COL17A1: variants seen among roughly 807,000 people sequenced by gnomAD.
COL17A1 encodes the protein collagen type XVII alpha 1 chain, also known as collagen alpha-1(XVII) chain.
Under a neutral mutation model 218.4 loss-of-function variants are expected in COL17A1, and 181 were observed. That is an observed-to-expected ratio of 0.83 (90% CI 0.73 to 0.94). The LOEUF is 0.94. Ranked by LOEUF, COL17A1 falls within the 40% of genes least tolerant of loss-of-function variation. The pLI, the probability that COL17A1 is intolerant of heterozygous loss-of-function variation, is 0.00. For missense variants in COL17A1, 1,924 were observed against 1,945.9 expected, an observed-to-expected ratio of 0.99 and a Z score of 0.21; for synonymous variants, 721 against 731.0, an observed-to-expected ratio of 0.99 and a Z score of 0.22.
At chr10:104,065,622 C>G (rs2086619986) in intron 9 of COL17A1, among the ~76,000 whole-genome samples, 1 of 152,254 alleles carries the variant, frequency 6.6e-6, no homozygotes. Flanking sequence ...GAAAACTCTA[C>G]ACATTTCCCC....
chr10:104,035,190 G>C, intron 50 of COL17A1, 73 bp downstream of exon 50: 2 of 1,300,630 alleles, frequency 1.5e-6, no homozygotes, highest in East Asian at 4.9e-5. Context: ...GACTGCCCTT[G>C]CTAAAGCCCA....
At chr10:104,052,016 G>T in intron 24 of COL17A1, 139 bp downstream of exon 24, 1 of 1,151,304 alleles carries the variant, frequency 8.7e-7, no homozygotes, top group East Asian at 2.3e-5. Context: ...ATGCTCTTTG[G>T]ACCCACCCAC....
chr10:104,070,639 G>T, intron 8 of COL17A1, 70 bp from the exon 9 acceptor site: 1 of 1,612,354 alleles, frequency 6.2e-7, no homozygotes, highest in South Asian at 1.1e-5. Flanking sequence ...CAACTGGGGG[G>T]AACATTTGTG....
chr10:104,047,121 G>A (rs992052299), intron 31 of COL17A1, among the ~76,000 whole-genome samples: 1 of 152,130 alleles, frequency 6.6e-6, no homozygotes, highest in African/African-American at 2.4e-5. Flanking sequence ...CTCCTGTCTG[G>A]GCACCCGCCA....
intron 27 of COL17A1, 54 bp from the exon 28 acceptor site, chr10:104,050,178 A>C: frequency 6.2e-7 from 1 of 1,612,010 alleles, no homozygotes; most frequent in East Asian, 2.2e-5. Flanking sequence ...CAAGGAAAAC[A>C]CTCTCACCCA....
intron 39 of COL17A1, among the ~76,000 whole-genome samples, chr10:104,040,667 T>G (rs2086351008): frequency 6.6e-6 from 1 of 152,094 alleles, no homozygotes; most frequent in Non-Finnish European, 1.5e-5. Context: ...GGTGGATGGA[T>G]TTTCCACTAG....
At chr10:104,047,935 G>A in intron 30 of COL17A1, 125 bp from the exon 31 acceptor site, 1 of 1,376,684 alleles carries the variant, frequency 7.3e-7, no homozygotes, top group Non-Finnish European at 1.0e-6. Context: ...AAGGAGAAGG[G>A]GAACAGAACT....
intron 3 of COL17A1, 131 bp downstream of exon 3, chr10:104,078,411 A>G (rs2086730664): frequency 8.6e-7 from 1 of 1,158,896 alleles, no homozygotes; most frequent in Non-Finnish European, 1.3e-6. Flanking sequence ...ATTCTGTTGT[A>G]TAGAAATTAA....
rs1217579414 is a variant in COL17A1, at chr10:104,064,428, C to T, written c.766+10G>A. 25 of 1,613,840 alleles carry T rather than the reference C, an allele frequency of 1.5e-5. No individual in the cohort carries two copies. Among genetic ancestry groups the T allele is most frequent in the Admixed American group, 1.0e-4 (6 of 60,006 alleles). On this transcript the variant is annotated intron_variant, in intron 10 of 55. Transcript: ENST00000648076. ...GGGGTGAGAGAGGGTGTGGGCTGCCCGCCAGGTACCTGATCCCGCAGAGTA... is the reference window on the plus strand; with the variant it reads ...GGGGTGAGAGAGGGTGTGGGCTGCCTGCCAGGTACCTGATCCCGCAGAGTA...
chr10:104,034,718 T>C lies in COL17A1; in HGVS notation c.3669A>G (p.Pro1223=). 6.2e-7 allele frequency: 1 copy of C among 1,611,438 alleles called. No individual in the cohort carries two copies. The highest frequency in any genetic ancestry group is 8.5e-7 in the Non-Finnish European group (1 of 1,179,202). Reference sequence around the variant, plus strand: ...AGACACCCGGGGGCCCTCGAGGCCCTGGGGGACCAGGAGGTCCTGGAGGGC... The same window carrying C: ...AGACACCCGGGGGCCCTCGAGGCCCCGGGGGACCAGGAGGTCCTGGAGGGC... The part of the protein sequence containing the change: ...IPGPPGPPGP[P]GPRGPPGVSG... Residue 1223 remains proline, a synonymous_variant, in exon 51 of 56, where the codon CCA becomes CCG. Coordinates refer to ENST00000648076, the MANE Select transcript of COL17A1 (RefSeq NM_000494.4).
intron 33 of COL17A1, among the ~76,000 whole-genome samples, chr10:104,045,021 A>G (rs2086395255): frequency 6.6e-6 from 1 of 152,178 alleles, no homozygotes; most frequent in Non-Finnish European, 1.5e-5. Context: ...GTGACTGCTC[A>G]TGACAGAGCA....
chr10:104,062,248 GCCTACTGA>G lies in COL17A1; in HGVS notation c.910+2_910+9del. The G allele has an allele frequency of 6.2e-7, 1 of 1,614,220 alleles. No homozygotes were observed. The highest frequency in any genetic ancestry group is 2.2e-5 in the East Asian group (1 of 44,888). On this transcript the variant is annotated splice_donor_variant and splice_donor_5th_base_variant and intron_variant, in intron 12 of 55. Coordinates refer to ENST00000648076, the MANE Select transcript of COL17A1 (RefSeq NM_000494.4). LOFTEE classifies it high-confidence loss of function. The stretch of plus-strand genomic sequence containing the variant: ...TTCCAGCGCCTAAGCTCCAACCCTA[GCCTACTGA>G]CCTGTGGAAGTGGTGGTGGTGCCAT...
chr10:104,036,379 G>T (rs1043601681), intron 48 of COL17A1, 113 bp downstream of exon 48: 11 of 1,407,030 alleles, frequency 7.8e-6, no homozygotes, highest in Non-Finnish European at 1.1e-5. Context: ...TGCTGGGGTT[G>T]GTGCAGTCTG....
chr10:104,064,217 T>A (rs1257418160), intron 10 of COL17A1, among the ~76,000 whole-genome samples: 4 of 152,220 alleles, frequency 2.6e-5, no homozygotes, highest in Non-Finnish European at 5.9e-5. Context: ...CCAGTTTTCC[T>A]GATACACCGT....
intron 31 of COL17A1, 29 bp downstream of exon 31, chr10:104,047,710 G>T (rs371053082): frequency 6.2e-5 from 98 of 1,581,822 alleles, no homozygotes; most frequent in Non-Finnish European, 7.8e-5. Context: ...ACTAAGCAGG[G>T]CCATGGCTCC....
chr10:104,033,009 C>A (rs758171804), intron 53 of COL17A1, 41 bp from the exon 54 acceptor site: 6 of 1,603,420 alleles, frequency 3.7e-6, no homozygotes, highest in South Asian at 2.2e-5. Context: ...GTCTTGATCA[C>A]CTGGAAGCTT....
rs749875359 is a variant in COL17A1, at chr10:104,034,329, C to T, written c.3772G>A (p.Asp1258Asn). The T allele has an allele frequency of 1.0e-4, 161 of 1,553,220 alleles. No individual in the cohort carries two copies. Among genetic ancestry groups the T allele is most frequent in the Non-Finnish European group, 1.2e-4 (137 of 1,156,030 alleles). The change falls in exon 52 of 56, where the codon GAT becomes AAT. Residue 1258 changes from aspartate (D) to asparagine (N), a missense_variant. Transcript: ENST00000648076. ...GGGCCAACAATGAAGCTGCGCACAT[C>T]AGGACCTGCAGGGTGAGAAGCTGCA... ...SELISYLTSP[D>N]VRSFIVGPPG...
At chr10:104,071,586 C>G (rs1216074913) in intron 8 of COL17A1, among the ~76,000 whole-genome samples, 3 of 152,128 alleles carry the variant, frequency 2.0e-5, no homozygotes, top group Admixed American at 2.0e-4. Context: ...TTAAACTATC[C>G]CATTATGTCC....
chr10:104,072,051 A>G lies in COL17A1; in HGVS notation c.444T>C (p.Ser148=). 1 of 1,614,018 alleles carries G rather than the reference A, an allele frequency of 6.2e-7. No homozygotes were observed. The highest frequency in any genetic ancestry group is 8.5e-7 in the Non-Finnish European group (1 of 1,179,990). The change falls in exon 8 of 56, where the codon AGT becomes AGC. Residue 148 remains serine (S), a synonymous_variant. Transcript: ENST00000648076. Reference sequence around the variant, plus strand: ...ACTTACATCGGGTGGATGGGGACGCACTCTGCAGTCGAACTCGAATTTCAC... The same window carrying G: ...ACTTACATCGGGTGGATGGGGACGCGCTCTGCAGTCGAACTCGAATTTCAC... ...RESEIRVRLQ[S]ASPSTRWTEL...
Sources: gnomAD v4.1 joint callset for allele counts (sites outside exome capture counted in the v4.1 genomes callset) on GRCh38, gnomAD v4.1.1 for gene constraint, MANE v1.5 for transcripts, NCBI Gene and HGNC (gene_info 2026-07-23, HGNC 2026-07-21) for gene names.